ABCB5: variants seen among roughly 807,000 people sequenced by gnomAD.
The protein encoded by ABCB5 is ATP binding cassette subfamily B member 5, also known as ATP-binding cassette sub-family B member 5.
In ABCB5, 155 loss-of-function variants were observed where a neutral mutation model predicts 144.2. That is an observed-to-expected ratio of 1.08 (90% CI 0.94 to 1.23). The LOEUF is 1.23. ABCB5 is among the 50% of genes most tolerant of loss of function. The pLI is 0.00. For synonymous variants in ABCB5, 610 were observed against 528.6 expected, an observed-to-expected ratio of 1.15 and a Z score of -2.11; for missense variants, 1,830 against 1,520.8, an observed-to-expected ratio of 1.20 and a Z score of -3.38.
intron 16 of ABCB5, among the ~76,000 whole-genome samples, chr7:20,689,246 C>T (rs1018652077): frequency 2.6e-5 from 4 of 152,238 alleles, no homozygotes; most frequent in Non-Finnish European, 4.4e-5. Flanking sequence ...CCTTTCTTCT[C>T]TCCCAGCAAG....
At chr7:20,705,539 G>C (rs761987973) in intron 20 of ABCB5, among the ~76,000 whole-genome samples, 2 of 152,112 alleles carry the variant, frequency 1.3e-5, no homozygotes, top group South Asian at 4.1e-4. Flanking sequence ...GTAAAATAAA[G>C]CTTTCTATTT....
At chr7:20,719,748 A>G (rs1339310623) in intron 20 of ABCB5, among the ~76,000 whole-genome samples, 1 of 152,240 alleles carries the variant, frequency 6.6e-6, no homozygotes, top group Non-Finnish European at 1.5e-5. Flanking sequence ...GATTAATCAC[A>G]TAGATCAATC....
At chr7:20,745,181 T>C in intron 25 of ABCB5, 51 bp from the exon 26 acceptor site, 3 of 1,543,824 alleles carry the variant, frequency 1.9e-6, no homozygotes, top group Non-Finnish European at 2.7e-6. Context: ...AACTGTAACA[T>C]GATACAGTTG....
chr7:20,650,490 A>T (rs1442683657), intron 12 of ABCB5, among the ~76,000 whole-genome samples: 1 of 152,168 alleles, frequency 6.6e-6, no homozygotes, highest in Non-Finnish European at 1.5e-5. Context: ...GCGTATTAAC[A>T]TCTGTACCCA....
At chr7:20,664,783 A>G (rs562112770) in intron 14 of ABCB5, among the ~76,000 whole-genome samples, 10 of 152,338 alleles carry the variant, frequency 6.6e-5, no homozygotes, top group African/African-American at 2.4e-4. Context: ...TACTTAAATG[A>G]TTAGCTTGTT....
At chr7:20,754,927 T>C (rs1317362816) in intron 27 of ABCB5, among the ~76,000 whole-genome samples, 1 of 152,206 alleles carries the variant, frequency 6.6e-6, no homozygotes. Flanking sequence ...CTGAAAGTCT[T>C]ACATAATTTA....
intron 19 of ABCB5, among the ~76,000 whole-genome samples, chr7:20,700,762 T>G (rs932443590): frequency 6.6e-6 from 1 of 152,126 alleles, no homozygotes; most frequent in African/African-American, 2.4e-5. Context: ...CCTCTAAAAT[T>G]CTTTCACGAG....
chr7:20,726,186 A>T (rs1441480791), intron 21 of ABCB5, among the ~76,000 whole-genome samples: 1 of 152,144 alleles, frequency 6.6e-6, no homozygotes, highest in East Asian at 1.9e-4. Context: ...CATTTGAATT[A>T]AATGTCTTTT....
intron 5 of ABCB5, among the ~76,000 whole-genome samples, chr7:20,639,670 G>A (rs925337309): frequency 3.9e-5 from 6 of 152,134 alleles, no homozygotes; most frequent in African/African-American, 9.7e-5. Flanking sequence ...GTAGGAGTCC[G>A]TTTCTGTTCT....
chr7:20,720,891 T>C (rs10261884), intron 20 of ABCB5, among the ~76,000 whole-genome samples: 11,388 of 132,584 alleles, frequency 0.086, 679 homozygotes, highest in Admixed American at 0.21. Context: ...TTGCAGTGAG[T>C]CGAGATCGCG....
intron 14 of ABCB5, among the ~76,000 whole-genome samples, chr7:20,679,773 GT>G (rs1785731018): frequency 3.3e-5 from 5 of 152,130 alleles, no homozygotes; most frequent in Admixed American, 3.3e-4. Flanking sequence ...CCAAGTCTTA[GT>G]CAGAATATAG....
intron 13 of ABCB5, among the ~76,000 whole-genome samples, chr7:20,655,595 A>C (rs1766521309): frequency 6.6e-6 from 1 of 152,224 alleles, no homozygotes; most frequent in Non-Finnish European, 1.5e-5. Context: ...CTTAAGAATA[A>C]ATTTAATGAA....
intron 5 of ABCB5, among the ~76,000 whole-genome samples, chr7:20,632,858 T>G (rs1784067777): frequency 3.3e-5 from 4 of 120,320 alleles, no homozygotes; most frequent in African/African-American, 3.1e-5. Flanking sequence ...CTGGGGACTG[T>G]TGTGGGGTTG....
intron 5 of ABCB5, 118 bp downstream of exon 5, chr7:20,632,231 A>G (rs1206518377): frequency 6.6e-6 from 4 of 606,554 alleles, no homozygotes; most frequent in Non-Finnish European, 1.1e-5. Context: ...AAATGATTAA[A>G]GCAAACATTT....
intron 20 of ABCB5, among the ~76,000 whole-genome samples, chr7:20,719,714 G>A (rs1292735642): frequency 6.6e-6 from 1 of 152,168 alleles, no homozygotes; most frequent in Non-Finnish European, 1.5e-5. Flanking sequence ...GGAGACATGA[G>A]AGCAGATGGG....
chr7:20,655,176 A>G (rs1677706977), intron 13 of ABCB5, among the ~76,000 whole-genome samples: 1 of 152,180 alleles, frequency 6.6e-6, no homozygotes, highest in Non-Finnish European at 1.5e-5. Context: ...GTTAATAAGG[A>G]AATATAAACA....
At chr7:20,743,381 C>T (rs112015117) in intron 25 of ABCB5, among the ~76,000 whole-genome samples, 4,563 of 152,170 alleles carry the variant, frequency 0.03, 246 homozygotes, top group African/African-American at 0.1. Context: ...ATGTTCACAT[C>T]GTGGCTCCGT....
At chr7:20,753,651 C>A in intron 27 of ABCB5, 145 bp downstream of exon 27, 1 of 928,930 alleles carries the variant, frequency 1.1e-6, no homozygotes, top group Non-Finnish European at 1.5e-6. Context: ...GGCTTTGGAC[C>A]TTTACAAAAA....
At chr7:20,731,180 C>T (rs1782200377) in intron 23 of ABCB5, among the ~76,000 whole-genome samples, 1 of 151,734 alleles carries the variant, frequency 6.6e-6, no homozygotes, top group African/African-American at 2.4e-5. Context: ...TGGTGAAACC[C>T]CGTCTCTACT....
Sources: gnomAD v4.1 joint callset for allele counts (sites outside exome capture counted in the v4.1 genomes callset) on GRCh38, gnomAD v4.1.1 for gene constraint, MANE v1.5 for transcripts, NCBI Gene and HGNC (gene_info 2026-07-23, HGNC 2026-07-21) for gene names.